DHRSX: variants seen among roughly 807,000 people sequenced by gnomAD.
DHRSX encodes dehydrogenase/reductase X-linked.
DHRSX carries 31 observed loss-of-function variants against 34.0 expected under a neutral mutation model. That is an observed-to-expected ratio of 0.91 (90% CI 0.69 to 1.23). DHRSX has a LOEUF of 1.23. Among genes scored for constraint, DHRSX ranks in the 50% most tolerant of loss-of-function variants. DHRSX has a pLI of 0.00. For missense variants in DHRSX, 414 were observed against 428.1 expected (o/e 0.97, Z 0.29); for synonymous variants, 201 against 183.8 (o/e 1.09, Z -0.76).
At chrX:2,255,597 A>T (rs1448754802) in intron 5 of DHRSX, among the ~76,000 whole-genome samples, 1 of 152,166 alleles carries the variant, frequency 6.6e-6, no homozygotes, top group African/African-American at 2.4e-5. Context: ...AGTGAAATAA[A>T]GAATTTCTTA....
chrX:2,294,301 TA>T (rs2041903779), intron 3 of DHRSX, among the ~76,000 whole-genome samples: 1 of 151,964 alleles, frequency 6.6e-6, no homozygotes, highest in African/African-American at 2.4e-5. Context: ...CCCAGCACTT[TA>T]GGAGGCGAAG....
chrX:2,255,543 G>A (rs2041264959), intron 5 of DHRSX, among the ~76,000 whole-genome samples: 1 of 152,110 alleles, frequency 6.6e-6, no homozygotes, highest in Non-Finnish European at 1.5e-5. Flanking sequence ...TTCACAGTGA[G>A]GCACGCCCAT....
intron 3 of DHRSX, among the ~76,000 whole-genome samples, chrX:2,357,104 C>T (rs1403388977): frequency 6.6e-6 from 1 of 152,036 alleles, no homozygotes; most frequent in Admixed American, 6.6e-5. Context: ...ATTAGCCAGG[C>T]ATGGTGGCGT....
At chrX:2,249,512 C>A (rs1328697560) in intron 5 of DHRSX, among the ~76,000 whole-genome samples, 1 of 116,830 alleles carries the variant, frequency 8.6e-6, no homozygotes, top group East Asian at 2.3e-4. Context: ...CCTTTTTGTG[C>A]CTTTTTTTTT....
Position 2,455,036 on chromosome X carries a change from CG to C in DHRSX, c.110-29733del, listed in dbSNP as rs1331617941. ...CTAAGGCAGGAGAATCACTGGAACCCGGGAGCCAGAGGTTGCGGTGAGTCAA... is the reference window on the plus strand; with the variant it reads ...CTAAGGCAGGAGAATCACTGGAACCCGGAGCCAGAGGTTGCGGTGAGTCAA... On this transcript the variant is annotated intron_variant, in intron 1 of 6. Coordinates refer to ENST00000334651, the MANE Select transcript of DHRSX (RefSeq NM_145177.3). Among the ~76,000 whole-genome samples the C allele has an allele frequency of 3.3e-5, 5 of 150,700 alleles. No homozygotes were observed. In the South Asian group the frequency reaches 6.4e-4, roughly 19 times the overall value.
At chrX:2,451,393 T>C (rs1280789662) in intron 1 of DHRSX, among the ~76,000 whole-genome samples, 1 of 152,122 alleles carries the variant, frequency 6.6e-6, no homozygotes, top group Non-Finnish European at 1.5e-5. Context: ...AGAAACACAC[T>C]AGAAGCCTCT....
chrX:2,393,128 T>C (rs1308183304), intron 3 of DHRSX, among the ~76,000 whole-genome samples: 1 of 147,818 alleles, frequency 6.8e-6, no homozygotes, highest in East Asian at 1.9e-4. Flanking sequence ...ACATTATAAT[T>C]TAATGTATAT....
At chrX:2,427,580 C>G (rs1378098916) in intron 1 of DHRSX, among the ~76,000 whole-genome samples, 1 of 152,016 alleles carries the variant, frequency 6.6e-6, no homozygotes, top group African/African-American at 2.4e-5. Context: ...TCAGACTTCT[C>G]GCGTTCAAAA....
intron 3 of DHRSX, among the ~76,000 whole-genome samples, chrX:2,319,494 G>T (rs1478767905): frequency 7.2e-6 from 1 of 139,202 alleles, no homozygotes; most frequent in Non-Finnish European, 1.5e-5. Context: ...AGTGAGCCGA[G>T]ATCGTGCCAC....
At chrX:2,412,252 A>T (rs5939208) in intron 2 of DHRSX, among the ~76,000 whole-genome samples, 120,291 of 152,060 alleles carry the variant, frequency 0.79, 48,325 homozygotes, top group African/African-American at 0.94. Context: ...TGGTATAGCC[A>T]TTATGGAAAA....
intron 3 of DHRSX, among the ~76,000 whole-genome samples, chrX:2,404,865 C>T (rs1427940319): frequency 6.6e-6 from 1 of 152,220 alleles, no homozygotes; most frequent in Non-Finnish European, 1.5e-5. Flanking sequence ...CTCGGTGTCT[C>T]TAATTCCTTA....
chrX:2,337,629 A>T (rs2042585376), intron 3 of DHRSX, among the ~76,000 whole-genome samples: 1 of 151,988 alleles, frequency 6.6e-6, no homozygotes, highest in African/African-American at 2.4e-5. Context: ...CACCTCTTAG[A>T]TGGGCCTTAA....
chrX:2,410,371 G>A (rs2043610524), intron 2 of DHRSX, among the ~76,000 whole-genome samples: 1 of 152,170 alleles, frequency 6.6e-6, no homozygotes, highest in South Asian at 2.1e-4. Flanking sequence ...TGGGTGCCCG[G>A]AGAGCTTCAA....
At chrX:2,324,769 CTT>C (rs570670358) in intron 3 of DHRSX, among the ~76,000 whole-genome samples, 21 of 130,952 alleles carry the variant, frequency 1.6e-4, no homozygotes, top group Admixed American at 2.5e-4. Flanking sequence ...TTTTTCTTTT[CTT>C]TTTTTTTTTT....
intron 3 of DHRSX, among the ~76,000 whole-genome samples, chrX:2,293,350 C>A (rs186506446): frequency 2.0e-5 from 3 of 151,758 alleles, no homozygotes; most frequent in Non-Finnish European, 4.4e-5. Flanking sequence ...CCTCCAGGTC[C>A]ATGGGTTCAA....
At chrX:2,405,155 G>C (rs1363798552) in intron 3 of DHRSX, among the ~76,000 whole-genome samples, 2 of 152,104 alleles carry the variant, frequency 1.3e-5, no homozygotes, top group East Asian at 3.8e-4. Flanking sequence ...CAGTGACCAG[G>C]CTCAGCTCTG....
At chrX:2,373,103 C>T (rs2043098376) in intron 3 of DHRSX, among the ~76,000 whole-genome samples, 1 of 152,150 alleles carries the variant, frequency 6.6e-6, no homozygotes, top group Non-Finnish European at 1.5e-5. Context: ...ATATCTTCCA[C>T]GGCGGCAGGC....
chrX:2,482,472 C>T (rs1445846097), intron 1 of DHRSX, among the ~76,000 whole-genome samples: 1 of 151,986 alleles, frequency 6.6e-6, no homozygotes, highest in African/African-American at 2.4e-5. Context: ...CGCTGTTTGC[C>T]CAGGCTGATC....
At chrX:2,365,018 A>G (rs62583742) in intron 3 of DHRSX, among the ~76,000 whole-genome samples, 48,641 of 152,012 alleles carry the variant, frequency 0.32, 9,082 homozygotes, top group Non-Finnish European at 0.44. Context: ...TGGCATATCT[A>G]TCTATCTATC....
Sources: allele counts gnomAD v4.1 joint callset (sites outside exome capture counted in the v4.1 genomes callset), GRCh38; gene constraint gnomAD v4.1.1; transcripts MANE v1.5; gene names NCBI Gene and HGNC (gene_info 2026-07-23, HGNC 2026-07-21).